Variants in GRID1 observed in about 807,000 individuals in gnomAD.
GRID1 encodes the protein glutamate receptor ionotropic, delta-1.
In GRID1, 28 loss-of-function variants were observed where a neutral mutation model predicts 98.0. The ratio of observed to expected loss-of-function variants is 0.29; its 90% CI spans 0.21 to 0.39. GRID1 has a LOEUF of 0.39. GRID1 is among the 10% of genes least tolerant of loss of function. The pLI, the probability that GRID1 is intolerant of heterozygous loss-of-function variation, is 1.00. For missense variants in GRID1, 1,111 were observed against 1,340.5 expected, an observed-to-expected ratio of 0.83 and a Z score of 2.67; for synonymous variants, 553 against 538.5, an observed-to-expected ratio of 1.03 and a Z score of -0.37.
chr10:85,634,291 T>TCTCTCACA (rs1162030685), intron 13 of GRID1, among the ~76,000 whole-genome samples: 37 of 102,990 alleles, frequency 3.6e-4, no homozygotes, highest in Middle Eastern at 5.1e-3. Flanking sequence ...TCTCTCTCTC[T>TCTCTCACA]CACACACACA....
intron 2 of GRID1, among the ~76,000 whole-genome samples, chr10:86,341,227 C>T (rs1449636024): frequency 2.6e-5 from 4 of 152,114 alleles, no homozygotes; most frequent in African/African-American, 9.7e-5. Context: ...TCAACTTAGT[C>T]CCCTAAAACA....
chr10:85,626,659 C>T lies in GRID1; in HGVS notation c.2194-6626G>A, dbSNP rs115251762. On this transcript the variant is annotated intron_variant, in intron 13 of 15. Coordinates refer to ENST00000327946, the MANE Select transcript of GRID1 (RefSeq NM_017551.3). ...TTTATCCTAACGAAGCAGAGTTCAG[C>T]CTTTTCAAGCATCCCAAGTCTTAGT... Among the ~76,000 whole-genome samples, 556 of 152,266 alleles carry T rather than the reference C, an allele frequency of 3.7e-3. 7 individuals are homozygous for T. Among genetic ancestry groups the T allele is most frequent in the African/African-American group, 0.013 (531 of 41,542 alleles).
At chr10:85,848,770 C>A (rs1461622141) in intron 8 of GRID1, among the ~76,000 whole-genome samples, 1 of 152,184 alleles carries the variant, frequency 6.6e-6, no homozygotes, top group Non-Finnish European at 1.5e-5. Context: ...TACTTGATTG[C>A]ATCTTTTCCT....
intron 4 of GRID1, among the ~76,000 whole-genome samples, chr10:85,947,736 A>G (rs1169534230): frequency 3.3e-5 from 5 of 152,390 alleles, no homozygotes; most frequent in Non-Finnish European, 1.5e-5. Context: ...TGGCAAAAGC[A>G]TAAAGCCACG....
chr10:85,741,590 C>T (rs905423320), intron 8 of GRID1, among the ~76,000 whole-genome samples: 6 of 152,110 alleles, frequency 3.9e-5, no homozygotes, highest in Admixed American at 2.6e-4. Context: ...TTATGAGCTG[C>T]CTTAACTATC....
At chr10:86,197,582 G>GGT (rs1845894810) in intron 3 of GRID1, among the ~76,000 whole-genome samples, 1 of 152,090 alleles carries the variant, frequency 6.6e-6, no homozygotes, top group Non-Finnish European at 1.5e-5. Flanking sequence ...AGGGCACAAT[G>GGT]GTGTGTGGTG....
chr10:86,290,803 G>A (rs767335413), intron 2 of GRID1, among the ~76,000 whole-genome samples: 3 of 152,238 alleles, frequency 2.0e-5, no homozygotes, highest in Non-Finnish European at 4.4e-5. Flanking sequence ...AGCCAAGAAT[G>A]AGTCAGCTTG....
At chr10:85,765,790 A>T (rs77591454) in intron 8 of GRID1, among the ~76,000 whole-genome samples, 1 of 152,240 alleles carries the variant, frequency 6.6e-6, no homozygotes, top group African/African-American at 2.4e-5. Flanking sequence ...ACTGGAATCA[A>T]TTCAGACCAC....
chr10:85,709,278 C>A, intron 12 of GRID1: 1 of 158,704 alleles, frequency 6.3e-6, no homozygotes, highest in Non-Finnish European at 1.4e-5. Flanking sequence ...GCTTGATACC[C>A]CAGCTCTTCC....
At chr10:85,780,045 G>C (rs570038493) in intron 8 of GRID1, among the ~76,000 whole-genome samples, 15 of 152,290 alleles carry the variant, frequency 9.8e-5, no homozygotes, top group African/African-American at 3.6e-4. Context: ...CCCATGTCAT[G>C]TGCTCCCTTA....
intron 2 of GRID1, among the ~76,000 whole-genome samples, chr10:86,272,526 C>T (rs1463853227): frequency 6.6e-6 from 1 of 152,156 alleles, no homozygotes; most frequent in Admixed American, 6.5e-5. Context: ...ATATTATTCA[C>T]AAATTATTGT....
chr10:85,820,843 G>A (rs1166018160), intron 8 of GRID1, among the ~76,000 whole-genome samples: 1 of 152,140 alleles, frequency 6.6e-6, no homozygotes, highest in Non-Finnish European at 1.5e-5. Context: ...ATGCAGTGTG[G>A]AAAACAGCAT....
intron 8 of GRID1, among the ~76,000 whole-genome samples, chr10:85,801,088 A>G (rs892787077): frequency 3.3e-5 from 5 of 152,122 alleles, no homozygotes; most frequent in African/African-American, 1.2e-4. Context: ...ATAATTAACA[A>G]CAGAGTAAAA....
intron 4 of GRID1, among the ~76,000 whole-genome samples, chr10:85,988,546 G>C (rs879448625): frequency 6.6e-6 from 1 of 152,156 alleles, no homozygotes; most frequent in South Asian, 2.1e-4. Context: ...GGCCTAGGGG[G>C]ACTAGGGAAT....
Position 85,668,634 on chromosome 10 carries a change from G to A in GRID1, c.1998-21237C>T, listed in dbSNP as rs114869180. On this transcript the variant is annotated intron_variant, in intron 12 of 15. Coordinates refer to ENST00000327946, the MANE Select transcript of GRID1 (RefSeq NM_017551.3). ...AGACCTAAAAAATGAGACCCAGAAAGCAGTCACTTTCCAAGGACACACAGC... is the reference window on the plus strand; with the variant it reads ...AGACCTAAAAAATGAGACCCAGAAAACAGTCACTTTCCAAGGACACACAGC... Among the ~76,000 whole-genome samples, 650 of 152,252 alleles carry A rather than the reference G, an allele frequency of 4.3e-3. 5 individuals are homozygous for A. Among genetic ancestry groups the A allele is most frequent in the African/African-American group, 0.014 (574 of 41,526 alleles).
intron 3 of GRID1, among the ~76,000 whole-genome samples, chr10:86,197,541 G>A (rs185517650): frequency 3.6e-4 from 55 of 152,206 alleles, no homozygotes; most frequent in African/African-American, 1.3e-3. Flanking sequence ...GCAGGAGGGG[G>A]ATATCAACAG....
chr10:85,834,882 C>T (rs769179782), intron 8 of GRID1, among the ~76,000 whole-genome samples: 1 of 151,790 alleles, frequency 6.6e-6, no homozygotes, highest in Non-Finnish European at 1.5e-5. Flanking sequence ...TGTAAATATG[C>T]CAATTAAAAG....
chr10:86,004,086 C>A (rs1842831728), intron 4 of GRID1, among the ~76,000 whole-genome samples: 1 of 151,046 alleles, frequency 6.6e-6, no homozygotes, highest in Non-Finnish European at 1.5e-5. Flanking sequence ...ATACTATTTA[C>A]CCTCATTTCC....
intron 6 of GRID1, among the ~76,000 whole-genome samples, chr10:85,858,624 G>C (rs1484041349): frequency 1.3e-5 from 2 of 152,212 alleles, no homozygotes; most frequent in African/African-American, 4.8e-5. Flanking sequence ...TTTAGAATTG[G>C]TTTGTTGTTT....
Sources: allele counts gnomAD v4.1 joint callset (sites outside exome capture counted in the v4.1 genomes callset), GRCh38; gene constraint gnomAD v4.1.1; transcripts MANE v1.5; gene names NCBI Gene and HGNC (gene_info 2026-07-23, HGNC 2026-07-21).